PI4KA: variants seen among roughly 807,000 people sequenced by gnomAD.
The protein encoded by PI4KA is PI4-kinase alpha.
Under a neutral mutation model 271.4 loss-of-function variants are expected in PI4KA, and 122 were observed. That is an observed-to-expected ratio of 0.45 (90% CI 0.39 to 0.52). The LOEUF (loss-of-function observed/expected upper bound fraction) is 0.52. Ranked by LOEUF, PI4KA falls within the 20% of genes least tolerant of loss-of-function variation. The pLI is 0.00. For missense variants in PI4KA, 1,969 were observed against 2,769.1 expected (o/e 0.71, Z 6.48); for synonymous variants, 1,041 against 1,078.8 (o/e 0.96, Z 0.69).
At chr22:20,783,370 G>A (rs538398767) in intron 19 of PI4KA, among the ~76,000 whole-genome samples, 137 of 151,894 alleles carry the variant, frequency 9.0e-4, no homozygotes, top group Admixed American at 4.4e-3. Flanking sequence ...GCTGAGGCAG[G>A]AGGATTGCTT....
rs368161629 is a variant in PI4KA at position 20,728,214 on chromosome 22, C to T, written c.4683-350G>A. 1.1e-4 allele frequency among the ~76,000 whole-genome samples: 16 copies of T among 152,128 alleles called. No homozygotes were observed. In the South Asian group the frequency reaches 2.9e-3, roughly 28 times the overall value. ...GCCTGTATCAAAACATCTCATGCACCTCATAAATACAGACATCTACTACAT... is the reference window on the plus strand; with the variant it reads ...GCCTGTATCAAAACATCTCATGCACTTCATAAATACAGACATCTACTACAT... On this transcript the variant is annotated intron_variant, in intron 39 of 54. Coordinates refer to ENST00000255882, the MANE Select transcript of PI4KA (RefSeq NM_058004.4).
intron 1 of PI4KA, among the ~76,000 whole-genome samples, chr22:20,839,759 G>A (rs1167949664): frequency 6.6e-6 from 1 of 152,126 alleles, no homozygotes. Context: ...GAACCCGGAA[G>A]GCGGAGGTTG....
chr22:20,794,631 A>C (rs1010411546), intron 18 of PI4KA, among the ~76,000 whole-genome samples: 2 of 152,116 alleles, frequency 1.3e-5, no homozygotes, highest in Non-Finnish European at 2.9e-5. Context: ...TGCAGTTGTC[A>C]TCTCAAATGC....
chr22:20,850,789 T>G (rs1375392937), intron 1 of PI4KA, among the ~76,000 whole-genome samples: 1 of 151,952 alleles, frequency 6.6e-6, no homozygotes, highest in African/African-American at 2.4e-5. Flanking sequence ...GCCTATAATC[T>G]CAGCACTTTG....
intron 30 of PI4KA, among the ~76,000 whole-genome samples, chr22:20,743,802 C>T (rs1929740011): frequency 6.6e-6 from 1 of 152,026 alleles, no homozygotes; most frequent in African/African-American, 2.4e-5. Context: ...CGCCTGTAAT[C>T]CCAGCAGTTT....
Position 20,819,765 on chromosome 22 carries a change from T to C in PI4KA, c.665A>G (p.Glu222Gly). Residue 222 changes from glutamate (E) to glycine (G), a missense_variant, in exon 6 of 55, where the codon GAG becomes GGG. Physicochemically the swap from Glu to Gly is moderately conservative, Grantham distance 98. Transcript: ENST00000255882. ...GGAACGCCTTCGAACACCTTCAAGCTCTTCCAGGACACGGAGGGAATGAGG... is the reference window on the plus strand; with the variant it reads ...GGAACGCCTTCGAACACCTTCAAGCCCTTCCAGGACACGGAGGGAATGAGG... Reference protein sequence around the residue: ...IPPHSLRVLEELEGVRRRSFN... With the variant: ...IPPHSLRVLEGLEGVRRRSFN... 1 of 1,614,130 alleles carries C rather than the reference T, an allele frequency of 6.2e-7. No individual in the cohort carries two copies. The highest frequency in any genetic ancestry group is 8.5e-7 in the Non-Finnish European group (1 of 1,180,012).
At chr22:20,776,391 C>T (rs1933276374) in intron 19 of PI4KA, among the ~76,000 whole-genome samples, 1 of 152,178 alleles carries the variant, frequency 6.6e-6, no homozygotes, top group African/African-American at 2.4e-5. Context: ...AGTGGCACTG[C>T]AGCCTGAGGC....
At chr22:20,811,439 T>G (rs1179021072) in intron 8 of PI4KA, among the ~76,000 whole-genome samples, 5 of 152,104 alleles carry the variant, frequency 3.3e-5, no homozygotes, top group Admixed American at 6.5e-5. Context: ...TCCTTGGAGC[T>G]CATGGCACCT....
chr22:20,729,251 C>T, intron 39 of PI4KA, 62 bp downstream of exon 39: 1 of 1,464,946 alleles, frequency 6.8e-7, no homozygotes, highest in Non-Finnish European at 9.3e-7. Flanking sequence ...ACCCAGCTGG[C>T]AAGCACCCTG....
At chr22:20,740,386 C>A (rs994922430) in intron 32 of PI4KA, among the ~76,000 whole-genome samples, 1 of 143,724 alleles carries the variant, frequency 7.0e-6, no homozygotes, top group Admixed American at 7.0e-5. Flanking sequence ...ACCTGGAATC[C>A]AAAAAGGAGA....
At chr22:20,769,668 CA>C (rs361824) in intron 19 of PI4KA, among the ~76,000 whole-genome samples, 183 of 124,174 alleles carry the variant, frequency 1.5e-3, no homozygotes, top group East Asian at 4.0e-3. Flanking sequence ...GACGCCATTT[CA>C]AAAAAAAAAA....
In PI4KA at chr22:20,778,226, C is replaced by T. The variant is rs192122746; in HGVS notation, c.2329-12533G>A. On this transcript the variant is annotated intron_variant, in intron 19 of 54. Transcript: ENST00000255882. Reference sequence around the variant, plus strand: ...GCAAATTAAACAACCCCAGGTCAGGCGTGGTGGCTTATGCCTGTAATCCCA... The same window carrying T: ...GCAAATTAAACAACCCCAGGTCAGGTGTGGTGGCTTATGCCTGTAATCCCA... Among the ~76,000 whole-genome samples, 711 of 152,242 alleles carry T rather than the reference C, an allele frequency of 4.7e-3. 26 individuals carry two copies. Among genetic ancestry groups the T allele is most frequent in the Non-Finnish European group, 1.3e-3 (87 of 68,020 alleles).
At chr22:20,761,418 A>G in intron 22 of PI4KA, 32 bp from the exon 23 acceptor site, 1 of 1,419,988 alleles carries the variant, frequency 7.0e-7, no homozygotes, top group Non-Finnish European at 1.0e-6. Flanking sequence ...ATAAATTTTG[A>G]AAAATCTGGG....
At chr22:20,805,923 G>A (rs1365777469) in intron 10 of PI4KA, among the ~76,000 whole-genome samples, 2 of 151,990 alleles carry the variant, frequency 1.3e-5, no homozygotes, top group Non-Finnish European at 2.9e-5. Flanking sequence ...GATCTTCAGA[G>A]CACTCACCCT....
At chr22:20,812,773 C>T (rs150190736) in intron 8 of PI4KA, among the ~76,000 whole-genome samples, 1 of 152,292 alleles carries the variant, frequency 6.6e-6, no homozygotes, top group East Asian at 1.9e-4. Flanking sequence ...CCAGGCTAGT[C>T]TCGAACTCCT....
intron 32 of PI4KA, among the ~76,000 whole-genome samples, chr22:20,740,544 G>A (rs896190851): frequency 6.6e-6 from 1 of 150,572 alleles, no homozygotes; most frequent in African/African-American, 2.4e-5. Context: ...CTGAAATTAA[G>A]AAGCTCAATG....
intron 24 of PI4KA, 28 bp from the exon 25 acceptor site, chr22:20,753,055 C>T (rs1415328752): frequency 1.2e-6 from 2 of 1,614,094 alleles, no homozygotes; most frequent in Non-Finnish European, 1.7e-6. Flanking sequence ...ACAGGTACCG[C>T]AGTGCCCCAG....
At chr22:20,782,607 T>C (rs1270693994) in intron 19 of PI4KA, among the ~76,000 whole-genome samples, 1 of 152,160 alleles carries the variant, frequency 6.6e-6, no homozygotes, top group African/African-American at 2.4e-5. Flanking sequence ...CCAAGAGACA[T>C]GGGACAGCTC....
intron 19 of PI4KA, among the ~76,000 whole-genome samples, chr22:20,778,262 G>C (rs956717391): frequency 6.6e-6 from 1 of 151,974 alleles, no homozygotes; most frequent in Non-Finnish European, 1.5e-5. Flanking sequence ...GCACTTTGGG[G>C]GGCTGAGGTG....
Sources: gnomAD v4.1 joint callset for allele counts (sites outside exome capture counted in the v4.1 genomes callset) on GRCh38, gnomAD v4.1.1 for gene constraint, MANE v1.5 for transcripts, NCBI Gene and HGNC (gene_info 2026-07-23, HGNC 2026-07-21) for gene names.